The following RAP1GAP2 variants were observed in gnomAD, a reference collection of about 807,000 sequenced individuals.
The protein encoded by RAP1GAP2 is rap1 GTPase-activating protein 2.
Under a neutral mutation model 95.0 loss-of-function variants are expected in RAP1GAP2, and 27 were observed. The ratio of observed to expected loss-of-function variants is 0.28; its 90% CI spans 0.21 to 0.39. The LOEUF (loss-of-function observed/expected upper bound fraction) is 0.39. Among genes scored for constraint, RAP1GAP2 ranks in the 10% least tolerant of loss-of-function variants. The pLI, the probability that RAP1GAP2 is intolerant of heterozygous loss-of-function variation, is 1.00. For missense variants in RAP1GAP2, 771 were observed against 970.0 expected (o/e 0.79, Z 2.72); for synonymous variants, 373 against 380.9 (o/e 0.98, Z 0.24).
At chr17:2,980,246 C>T in intron 8 of RAP1GAP2, 41 bp from the exon 9 acceptor site, 2 of 1,604,202 alleles carry the variant, frequency 1.2e-6, no homozygotes, top group South Asian at 1.1e-5. Flanking sequence ...CCCTCACTGA[C>T]TGTTTCTTAG....
At position 3,030,950 on chromosome 17, in the gene RAP1GAP2, G is replaced by A. The variant is rs1275938349; in HGVS notation, c.2136G>A (p.Ser712=). The A allele has an allele frequency of 1.1e-5, 18 of 1,611,292 alleles. No individual in the cohort carries two copies. The highest frequency in any genetic ancestry group is 4.5e-5 in the East Asian group (2 of 44,820). ...TDAKSRNSPR[S]NLKFRFDKLS... ...CCAAAAGCAGAAACTCCCCGAGATC[G>A]AACCTGAAATTCCGCTTTGACAAGC... Residue 712 remains serine, a synonymous_variant, in exon 23 of 25, where the codon TCG becomes TCA. Transcript: ENST00000254695.
chr17:2,927,338 A>G (rs896475348), intron 3 of RAP1GAP2, among the ~76,000 whole-genome samples: 12 of 151,678 alleles, frequency 7.9e-5, no homozygotes, highest in East Asian at 7.9e-4. Flanking sequence ...TATTTTTAGT[A>G]GAGACGGGGT....
intron 2 of RAP1GAP2, among the ~76,000 whole-genome samples, chr17:2,843,977 T>C (rs1467376923): frequency 6.6e-6 from 1 of 152,060 alleles, no homozygotes; most frequent in Admixed American, 6.6e-5. Flanking sequence ...TTTGGAGCGT[T>C]GGGTAAAAGG....
rs2042097949 is a variant in RAP1GAP2, at chr17:2,903,667, G to T, written c.81-1617G>T. Among the ~76,000 whole-genome samples, 1 of 152,240 alleles carries T rather than the reference G, an allele frequency of 6.6e-6. No homozygotes were observed. The highest frequency in any genetic ancestry group is 2.4e-5 in the African/African-American group (1 of 41,472). On this transcript the variant is annotated intron_variant, in intron 2 of 24. Transcript: ENST00000254695. The surrounding 1 kb of genome is among the most constrained non-coding windows in gnomAD (Gnocchi z 4.1). Reference sequence around the variant, plus strand: ...AGATGGGGAGCAGGAGACAGGGATTGCCAGGTTCAGGTTAATGGGGTGGAA... The same window carrying T: ...AGATGGGGAGCAGGAGACAGGGATTTCCAGGTTCAGGTTAATGGGGTGGAA...
intron 3 of RAP1GAP2, among the ~76,000 whole-genome samples, chr17:2,935,897 G>GCC (rs1402662946): frequency 6.6e-6 from 1 of 152,138 alleles, no homozygotes; most frequent in Non-Finnish European, 1.5e-5. Context: ...AGGAAACGCG[G>GCC]CCGATCTGGC....
At chr17:3,028,727 C>G (rs879482876) in intron 22 of RAP1GAP2, among the ~76,000 whole-genome samples, 1 of 152,170 alleles carries the variant, frequency 6.6e-6, no homozygotes, top group East Asian at 1.9e-4. Context: ...GGGTTCAAAT[C>G]CTGGTTGTAG....
chr17:2,758,974 A>G (rs1197172984), intron 1 of RAP1GAP2, among the ~76,000 whole-genome samples: 1 of 151,876 alleles, frequency 6.6e-6, no homozygotes, highest in Non-Finnish European at 1.5e-5. Flanking sequence ...GTTGAGGTCC[A>G]CCATCGAGAG....
At chr17:2,793,032 TG>T (rs1236810686), upstream of RAP1GAP2, among the ~76,000 whole-genome samples, 3 of 152,164 alleles carry the variant, frequency 2.0e-5, no homozygotes, top group African/African-American at 7.2e-5. Flanking sequence ...CGTGCCCAAG[TG>T]TGATGTGACT....
At chr17:2,835,069 G>A (rs912943258) in intron 2 of RAP1GAP2, among the ~76,000 whole-genome samples, 140 of 144,734 alleles carry the variant, frequency 9.7e-4, no homozygotes, top group African/African-American at 3.4e-3. Flanking sequence ...ACAGGCGCCC[G>A]CCACCACACC....
chr17:2,957,615 A>G, intron 3 of RAP1GAP2, 144 bp from the exon 4 acceptor site: 2 of 979,372 alleles, frequency 2.0e-6, no homozygotes, highest in East Asian at 2.7e-5. Context: ...GGCAAAATCA[A>G]ATTATCTTCT....
chr17:2,798,425 G>A (rs926847682), intron 1 of RAP1GAP2, among the ~76,000 whole-genome samples: 4 of 152,172 alleles, frequency 2.6e-5, no homozygotes, highest in Admixed American at 6.5e-5. Flanking sequence ...ACGGGATGGC[G>A]GGGCCTTCTG....
intron 3 of RAP1GAP2, among the ~76,000 whole-genome samples, chr17:2,925,135 G>A (rs949225497): frequency 2.0e-5 from 3 of 152,138 alleles, no homozygotes; most frequent in Admixed American, 6.5e-5. Flanking sequence ...GCTTGGCCTC[G>A]TGCTTGGTGA....
chr17:2,963,588 TC>T lies in RAP1GAP2; in HGVS notation c.279+128del, dbSNP rs1221308247. On this transcript the variant is annotated intron_variant, in intron 6 of 24. Transcript: ENST00000254695. This position sits in a 1 kb window ranked among gnomAD's most constrained non-coding sequence, Gnocchi z 4.8. ...AGAACCTTGGGCCTGGGACCTCTCT[TC>T]CTGTCTTTGCCTTTGTAACCTCAGC... The T allele has an allele frequency of 1.5e-6, 2 of 1,291,906 alleles. No individual in the cohort carries two copies. The highest frequency in any genetic ancestry group is 1.8e-5 in the Admixed American group (1 of 54,498). The allele number at this position is 1,291,906 out of a possible 1,614,324, so 80.0% of individuals were successfully genotyped here.
At chr17:2,911,260 AT>A (rs34227127) in intron 3 of RAP1GAP2, among the ~76,000 whole-genome samples, 110 of 131,770 alleles carry the variant, frequency 8.3e-4, no homozygotes, top group Admixed American at 9.8e-4. Flanking sequence ...TTTGAAGGGG[AT>A]TTTTTTTTTT....
intron 2 of RAP1GAP2, among the ~76,000 whole-genome samples, chr17:2,810,025 T>A (rs138327770): frequency 5.0e-5 from 3 of 59,520 alleles, no homozygotes; most frequent in African/African-American, 2.2e-4. Context: ...GACCCTCCCC[T>A]CCCCCCGCCC....
chr17:2,799,123 G>A (rs1266946201), intron 1 of RAP1GAP2, among the ~76,000 whole-genome samples: 2 of 152,216 alleles, frequency 1.3e-5, no homozygotes, highest in East Asian at 1.9e-4. Context: ...GCTGCCATCC[G>A]GCAGCTCTGG....
chr17:2,818,470 C>T (rs181109425), intron 2 of RAP1GAP2, among the ~76,000 whole-genome samples: 17 of 151,976 alleles, frequency 1.1e-4, no homozygotes, highest in Admixed American at 7.9e-4. Flanking sequence ...ATTACAAGTG[C>T]GTGCCACCAC....
At chr17:2,884,932 G>C (rs995503281) in intron 2 of RAP1GAP2, among the ~76,000 whole-genome samples, 1 of 152,022 alleles carries the variant, frequency 6.6e-6, no homozygotes, top group Non-Finnish European at 1.5e-5. Flanking sequence ...TGCTGCCCTT[G>C]ACCCTGTGGG....
intron 2 of RAP1GAP2, among the ~76,000 whole-genome samples, chr17:2,861,817 G>A (rs937837492): frequency 2.6e-5 from 4 of 152,030 alleles, no homozygotes; most frequent in Non-Finnish European, 4.4e-5. Context: ...ACCATGCCCG[G>A]CTAATTTTTT....
Sources: allele counts gnomAD v4.1 joint callset (sites outside exome capture counted in the v4.1 genomes callset), GRCh38; gene constraint gnomAD v4.1.1; non-coding constraint Gnocchi (gnomAD v3.1); transcripts MANE v1.5; gene names NCBI Gene and HGNC (gene_info 2026-07-23, HGNC 2026-07-21).